CACNA1B: variants seen among roughly 807,000 people sequenced by gnomAD.
CACNA1B encodes calcium voltage-gated channel subunit alpha1 B, also known as voltage-dependent N-type calcium channel subunit alpha-1B.
CACNA1B carries 70 observed loss-of-function variants against 247.2 expected under a neutral mutation model. The ratio of observed to expected loss-of-function variants is 0.28; its 90% CI spans 0.23 to 0.35. CACNA1B has a LOEUF of 0.35. CACNA1B is among the 10% of genes least tolerant of loss of function. The pLI is 1.00. For synonymous variants in CACNA1B, 1,231 were observed against 1,294.4 expected (o/e 0.95, Z 1.05); for missense variants, 2,367 against 3,197.4 (o/e 0.74, Z 6.26).
intron 20 of CACNA1B, among the ~76,000 whole-genome samples, chr9:138,027,986 G>A (rs1245574524): frequency 1.8e-5 from 2 of 111,670 alleles, no homozygotes; most frequent in Admixed American, 9.3e-5. Context: ...AAAATCAAAT[G>A]TTCTAAAAGA....
Position 138,023,813 on chromosome 9 carries a change from T to A in CACNA1B, c.3068+2T>A. 1 of 1,328,588 alleles carries A rather than the reference T, an allele frequency of 7.5e-7. No individual in the cohort carries two copies. Among genetic ancestry groups the A allele is most frequent in the Non-Finnish European group, 1.1e-6 (1 of 946,166 alleles). The allele number at this position is 1,328,588 out of a possible 1,614,324, so 82.3% of individuals were successfully genotyped here. On this transcript the variant is annotated splice_donor_variant, in intron 19 of 46. Coordinates refer to ENST00000371372, the MANE Select transcript of CACNA1B (RefSeq NM_000718.4). LOFTEE classifies it high-confidence loss of function. Reference sequence around the variant, plus strand: ...GGAGCTCCGGAACCACCAGCCCCGGTGAGTCCGCGGCTGGGCGGGGTCAGG... The same window carrying A: ...GGAGCTCCGGAACCACCAGCCCCGGAGAGTCCGCGGCTGGGCGGGGTCAGG...
chr9:137,921,710 G>A (rs1327786203), intron 6 of CACNA1B, among the ~76,000 whole-genome samples: 2 of 144,360 alleles, frequency 1.4e-5, no homozygotes, highest in East Asian at 4.2e-4. Context: ...TCAGCACCAC[G>A]ACCGCACAGC....
Position 138,014,103 on chromosome 9 carries a change from G to A in CACNA1B, c.2267+868G>A, listed in dbSNP as rs1176688525. Among the ~76,000 whole-genome samples the A allele has an allele frequency of 1.3e-5, 2 of 152,274 alleles. No homozygotes were observed. The highest frequency in any genetic ancestry group is 1.9e-4 in the East Asian group (1 of 5,198). On this transcript the variant is annotated intron_variant, in intron 18 of 46. Transcript: ENST00000371372. This position sits in a 1 kb window ranked among gnomAD's most constrained non-coding sequence, Gnocchi z 6.2. ...CAGCCACAGGTGCATCTGTAGTGAC[G>A]TGTGTCTGCACTTCTGTGTAAGCAT...
At chr9:138,062,964 T>A (rs1364624923) in intron 31 of CACNA1B, among the ~76,000 whole-genome samples, 2 of 152,254 alleles carry the variant, frequency 1.3e-5, no homozygotes, top group Non-Finnish European at 2.9e-5. Context: ...ACTTGTCTCT[T>A]ACCTTGGAGT....
chr9:137,972,723 TG>T (rs1958168248), intron 11 of CACNA1B, among the ~76,000 whole-genome samples: 1 of 151,988 alleles, frequency 6.6e-6, no homozygotes. Flanking sequence ...TGTGTTGGGG[TG>T]GAACTCTGGG....
intron 32 of CACNA1B, among the ~76,000 whole-genome samples, chr9:138,071,524 G>C (rs754597471): frequency 7.2e-5 from 11 of 152,186 alleles, no homozygotes; most frequent in Non-Finnish European, 1.3e-4. Context: ...TGCCGTCACC[G>C]TCTGTCTTCA....
intron 17 of CACNA1B, 110 bp from the exon 18 acceptor site, chr9:138,013,019 A>G (rs1958744410): frequency 2.6e-6 from 2 of 762,494 alleles, no homozygotes; most frequent in African/African-American, 3.5e-5. Context: ...AGAGAGCAGC[A>G]CTGTGTATTT....
rs1201357963 is a variant in CACNA1B at position 138,058,716 on chromosome 9, G to A, written c.4456G>A (p.Val1486Met). Residue 1486 changes from valine (V) to methionine (M), a missense_variant, in exon 29 of 47, where the codon GTG (valine) becomes ATG (methionine). Val to Met is a conservative substitution (Grantham distance 21, BLOSUM62 1). Coordinates refer to ENST00000371372, the MANE Select transcript of CACNA1B (RefSeq NM_000718.4). This position sits in a 1 kb window ranked among gnomAD's most constrained non-coding sequence, Gnocchi z 4.7. Reference sequence around the variant, plus strand: ...CATGGCCATGATAGCCCTCAACACTGTGGTGCTGATGATGAAGGTGTGTGG... The same window carrying A: ...CATGGCCATGATAGCCCTCAACACTATGGTGCTGATGATGAAGGTGTGTGG... The part of the protein sequence containing the change: ...FIMAMIALNT[V>M]VLMMKFYDAP... 4 of 1,607,518 alleles carry A rather than the reference G, an allele frequency of 2.5e-6. No homozygotes were observed. The highest frequency in any genetic ancestry group is 1.7e-4 in the Middle Eastern group (1 of 6,056).
chr9:138,063,678 T>C (rs765215483), intron 31 of CACNA1B, among the ~76,000 whole-genome samples: 1 of 152,186 alleles, frequency 6.6e-6, no homozygotes, highest in Non-Finnish European at 1.5e-5. Flanking sequence ...TGAGTAGATC[T>C]GTTCTATTAA....
chr9:137,981,026 T>C (rs1171899184), intron 12 of CACNA1B, among the ~76,000 whole-genome samples: 1 of 152,258 alleles, frequency 6.6e-6, no homozygotes, highest in African/African-American at 2.4e-5. Flanking sequence ...AGTAGTGGGA[T>C]TGCTGGATCA....
rs112370198 is a variant in CACNA1B, at chr9:138,117,123, A to C, written c.5778-823A>C. Among the ~76,000 whole-genome samples the C allele has an allele frequency of 2.3e-4, 35 of 152,350 alleles. No homozygotes were observed. In the South Asian group the frequency reaches 6.8e-3, roughly 30 times the overall value. ...TGAGAATGAGCACTCACCCGAACAC[A>C]TTCCACGCCAGTTGGGAGATAAGTG... On this transcript the variant is annotated intron_variant, in intron 42 of 46. Coordinates refer to ENST00000371372, the MANE Select transcript of CACNA1B (RefSeq NM_000718.4).
intron 20 of CACNA1B, among the ~76,000 whole-genome samples, chr9:138,039,391 T>A (rs1025586974): frequency 2.6e-5 from 4 of 152,192 alleles, no homozygotes; most frequent in Non-Finnish European, 5.9e-5. Flanking sequence ...AAGTTTTTTC[T>A]TTCCTAATTA....
intron 6 of CACNA1B, among the ~76,000 whole-genome samples, chr9:137,947,174 G>T (rs1038707517): frequency 6.6e-5 from 10 of 152,194 alleles, no homozygotes; most frequent in Admixed American, 1.3e-4. Flanking sequence ...ACCAATCAAA[G>T]GCTGAAGTGA....
At chr9:138,099,728 C>T (rs571387757) in intron 37 of CACNA1B, among the ~76,000 whole-genome samples, 2 of 151,260 alleles carry the variant, frequency 1.3e-5, no homozygotes, top group South Asian at 2.1e-4. Flanking sequence ...GTGGTGTACA[C>T]GTGCCTGTGG....
intron 3 of CACNA1B, among the ~76,000 whole-genome samples, chr9:137,904,047 C>T (rs1957269766): frequency 6.6e-6 from 1 of 152,182 alleles, no homozygotes; most frequent in South Asian, 2.1e-4. Flanking sequence ...GGTTGCTTTT[C>T]CTGCCAGTTT....
intron 10 of CACNA1B, among the ~76,000 whole-genome samples, chr9:137,964,158 A>G (rs1958050469): frequency 6.6e-6 from 1 of 152,066 alleles, no homozygotes; most frequent in South Asian, 2.1e-4. Flanking sequence ...GAGTCTGATG[A>G]TTATGTGTCT....
chr9:138,009,925 T>C, intron 16 of CACNA1B, 85 bp from the exon 17 acceptor site: 1 of 1,068,606 alleles, frequency 9.4e-7, no homozygotes, highest in Non-Finnish European at 1.4e-6. Context: ...TGGAGGCTGG[T>C]TGGGATCTGG....
chr9:138,000,172 C>T (rs1958550567), intron 15 of CACNA1B, among the ~76,000 whole-genome samples: 1 of 150,762 alleles, frequency 6.6e-6, no homozygotes, highest in South Asian at 2.1e-4. Flanking sequence ...GATCTCGGCT[C>T]ACTGCAAGCT....
At chr9:138,103,727 G>A (rs765889257) in intron 38 of CACNA1B, among the ~76,000 whole-genome samples, 3 of 152,232 alleles carry the variant, frequency 2.0e-5, no homozygotes, top group East Asian at 1.9e-4. Flanking sequence ...CAGCCAACAC[G>A]TGCCTAGAGC....
Sources: allele counts gnomAD v4.1 joint callset (sites outside exome capture counted in the v4.1 genomes callset), GRCh38; gene constraint gnomAD v4.1.1; non-coding constraint Gnocchi (gnomAD v3.1); transcripts MANE v1.5; gene names NCBI Gene and HGNC (gene_info 2026-07-23, HGNC 2026-07-21).